The following COG5 variants were observed in gnomAD, a reference collection of about 807,000 sequenced individuals.
COG5 encodes conserved oligomeric Golgi complex subunit 5.
Under a neutral mutation model 110.4 loss-of-function variants are expected in COG5, and 86 were observed. The observed-to-expected ratio is 0.78, with a 90% CI of 0.65 to 0.93. The LOEUF is 0.93. Ranked by LOEUF, COG5 falls within the 40% of genes least tolerant of loss-of-function variation. COG5 has a pLI of 0.00. For missense variants in COG5, 1,077 were observed against 987.0 expected (o/e 1.09, Z -1.22); for synonymous variants, 360 against 334.6 (o/e 1.08, Z -0.83).
chr7:107,212,675 C>T (rs111678605), intron 19 of COG5, among the ~76,000 whole-genome samples: 4 of 152,270 alleles, frequency 2.6e-5, no homozygotes, highest in African/African-American at 7.2e-5. Flanking sequence ...AAGAACTTCC[C>T]GGCTTCATTG....
chr7:107,470,283 G>C (rs1366555359), intron 6 of COG5: 4 of 152,218 alleles, frequency 2.6e-5, no homozygotes, highest in African/African-American at 9.6e-5. Context: ...CAGTACTGCT[G>C]AAACAATGGC....
chr7:107,296,306 T>G (rs1047733837), intron 12 of COG5, among the ~76,000 whole-genome samples: 4 of 152,174 alleles, frequency 2.6e-5, no homozygotes, highest in African/African-American at 9.6e-5. Context: ...TTGCTTTGTA[T>G]ATTTCTAGAC....
chr7:107,263,537 TTTGAG>T (rs1803544617), intron 14 of COG5, among the ~76,000 whole-genome samples: 1 of 152,150 alleles, frequency 6.6e-6, no homozygotes, highest in Non-Finnish European at 1.5e-5. Flanking sequence ...AAGAGTTGCA[TTTGAG>T]TTTATTTTTA....
chr7:107,293,873 A>T (rs1806373513), intron 12 of COG5, among the ~76,000 whole-genome samples: 1 of 152,180 alleles, frequency 6.6e-6, no homozygotes, highest in African/African-American at 2.4e-5. Flanking sequence ...GGAGTTCGAG[A>T]CTAGCCTGGC....
In COG5 at chr7:107,202,155, CAAACA is replaced by C. The variant is rs1198532541; in HGVS notation, c.*1356_*1360del. ...ATAGTCACTGTAATGGTGCTATTAA[CAAACA>C]GTCAACACCATTGTATTTTTTAACT... On this transcript the variant is annotated 3_prime_UTR_variant, in exon 22 of 22. Transcript: ENST00000297135. 4 of 152,542 alleles carry C rather than the reference CAAACA, an allele frequency of 2.6e-5. No homozygotes were observed. The highest frequency in any genetic ancestry group is 9.7e-5 in the African/African-American group (4 of 41,360). The allele number at this position is 152,542 out of a possible 1,614,324, so 9.4% of individuals were successfully genotyped here. A position where few individuals can be genotyped will look rare whatever the true frequency, so the allele number is the denominator to read the frequency against.
chr7:107,378,589 T>C (rs768868634), intron 7 of COG5, among the ~76,000 whole-genome samples: 5 of 152,116 alleles, frequency 3.3e-5, no homozygotes, highest in Non-Finnish European at 5.9e-5. Context: ...ATGAACCTGA[T>C]TGAGCTGAAA....
chr7:107,496,677 A>C (rs999746252), intron 6 of COG5, among the ~76,000 whole-genome samples: 4 of 151,588 alleles, frequency 2.6e-5, no homozygotes, highest in African/African-American at 9.7e-5. Flanking sequence ...ACAAAAAACA[A>C]AAAACAAAAA....
chr7:107,417,903 T>A (rs985658242), intron 6 of COG5, among the ~76,000 whole-genome samples: 2 of 152,180 alleles, frequency 1.3e-5, no homozygotes, highest in Admixed American at 6.5e-5. Context: ...GCCTATCATA[T>A]TTGCTATTTT....
rs142970891 is a variant in COG5 at position 107,248,473 on chromosome 7, A to G, written c.1776T>C (p.Ala592=). ...LKAIHALMEN[A]VQPLLTSVGD... ...CCACAGAAGTGAGTAAGGGTTGCAC[A>G]GCATTTTCCATAAGAGCATGAATAG... is the stretch of plus-strand genomic sequence containing the variant. The change falls in exon 17 of 22, where the codon GCT becomes GCC. Residue 592 remains alanine (A), a synonymous_variant. Transcript: ENST00000297135. 1.6e-3 allele frequency: 2,619 copies of G among 1,609,472 alleles called. 2 individuals are homozygous for G. Among genetic ancestry groups the G allele is most frequent in the Non-Finnish European group, 1.9e-3 (2,219 of 1,176,840 alleles).
At chr7:107,328,636 A>C (rs932086759) in intron 10 of COG5, among the ~76,000 whole-genome samples, 2 of 152,172 alleles carry the variant, frequency 1.3e-5, no homozygotes, top group African/African-American at 4.8e-5. Flanking sequence ...AAAATGAATT[A>C]GTTACTTCCC....
At chr7:107,458,934 T>C (rs1795825041) in intron 6 of COG5, among the ~76,000 whole-genome samples, 1 of 151,264 alleles carries the variant, frequency 6.6e-6, no homozygotes, top group African/African-American at 2.4e-5. Flanking sequence ...TGTACATATA[T>C]ACACACACAT....
chr7:107,231,300 G>C (rs1267950071), intron 18 of COG5, among the ~76,000 whole-genome samples: 1 of 152,152 alleles, frequency 6.6e-6, no homozygotes, highest in African/African-American at 2.4e-5. Context: ...TAGCATATAA[G>C]TGCTGTTAAT....
At chr7:107,303,200 C>G (rs1807423842) in intron 11 of COG5, among the ~76,000 whole-genome samples, 1 of 151,690 alleles carries the variant, frequency 6.6e-6, no homozygotes, top group South Asian at 2.1e-4. Context: ...CAGGTGTGAG[C>G]TATCATGCCC....
intron 6 of COG5, among the ~76,000 whole-genome samples, chr7:107,421,765 CA>C (rs202025992): frequency 0.23 from 27,837 of 120,138 alleles, 2,582 homozygotes; most frequent in African/African-American, 0.28. Flanking sequence ...GACTCCGTCT[CA>C]AAAAAAAAAA....
intron 17 of COG5, among the ~76,000 whole-genome samples, chr7:107,237,146 A>T (rs1801257602): frequency 6.6e-6 from 1 of 152,192 alleles, no homozygotes; most frequent in Admixed American, 6.5e-5. Context: ...CTTGGCAAAG[A>T]TCTCTCTGCT....
intron 12 of COG5, among the ~76,000 whole-genome samples, chr7:107,288,531 A>G (rs1275316987): frequency 6.6e-6 from 1 of 151,700 alleles, no homozygotes; most frequent in Non-Finnish European, 1.5e-5. Context: ...AGTGGTTCTG[A>G]TTTGTATTGT....
At chr7:107,406,697 C>A (rs1454371014) in intron 7 of COG5, among the ~76,000 whole-genome samples, 1 of 152,076 alleles carries the variant, frequency 6.6e-6, no homozygotes, top group African/African-American at 2.4e-5. Flanking sequence ...ATTTATCCAA[C>A]CCTATTGAAG....
intron 8 of COG5, among the ~76,000 whole-genome samples, chr7:107,363,571 T>C (rs1199073492): frequency 6.6e-6 from 1 of 151,824 alleles, no homozygotes; most frequent in Non-Finnish European, 1.5e-5. Context: ...GCAGAAAGAA[T>C]GACAGAATTA....
At chr7:107,475,532 C>G in intron 6 of COG5, 2 of 489,208 alleles carry the variant, frequency 4.1e-6, no homozygotes, top group Non-Finnish European at 7.4e-6. Context: ...TTCTTCATTA[C>G]TTAATGTATT....
Sources: allele counts gnomAD v4.1 joint callset (sites outside exome capture counted in the v4.1 genomes callset), GRCh38; gene constraint gnomAD v4.1.1; transcripts MANE v1.5; gene names NCBI Gene and HGNC (gene_info 2026-07-23, HGNC 2026-07-21).